Variants in P2RY14 observed in about 807,000 individuals in gnomAD.
P2RY14 encodes purinergic receptor P2Y14, also known as P2Y purinoceptor 14.
A neutral mutation model predicts 0.9 loss-of-function variants in P2RY14; 2 were observed. That is an observed-to-expected ratio of 2.16 (90% confidence interval 0.88 to 6.79). The LOEUF is 6.79. Ranked by LOEUF, P2RY14 falls within the 30% of genes most tolerant of loss-of-function variation. The pLI is 0.05. For missense variants in P2RY14, 378 were observed against 400.1 expected, an observed-to-expected ratio of 0.94 and a Z score of 0.47; for synonymous variants, 158 against 147.2, an observed-to-expected ratio of 1.07 and a Z score of -0.53.
chr3:151,244,550 A>C lies in P2RY14; in HGVS notation c.-132-24908T>G, dbSNP rs544122024. On this transcript the variant is annotated intron_variant, in intron 1 of 2. Coordinates refer to ENST00000309170, the MANE Select transcript of P2RY14 (RefSeq NM_014879.4). ...CATAACGAAATGAAGGCAGAAATAA[A>C]GATGTTCTTTGAAACCAGTGAGAAC... Among the ~76,000 whole-genome samples, 91 of 151,158 alleles carry C rather than the reference A, an allele frequency of 6.0e-4. No individual in the cohort carries two copies. In the East Asian group the frequency reaches 0.016, roughly 27 times the overall value.
At chr3:151,228,869 T>C (rs1314767115) in intron 1 of P2RY14, among the ~76,000 whole-genome samples, 2 of 152,212 alleles carry the variant, frequency 1.3e-5, no homozygotes, top group Admixed American at 1.3e-4. Flanking sequence ...TTGGAATATG[T>C]GGTCCTATTC....
chr3:151,221,482 C>T (rs890305507), intron 1 of P2RY14, among the ~76,000 whole-genome samples: 2 of 152,172 alleles, frequency 1.3e-5, no homozygotes, highest in Admixed American at 6.5e-5. Flanking sequence ...AAAGTGGTTT[C>T]GTGGGCCCAG....
intron 1 of P2RY14, among the ~76,000 whole-genome samples, chr3:151,260,810 C>G (rs1053390161): frequency 1.4e-4 from 21 of 151,628 alleles, no homozygotes; most frequent in African/African-American, 5.1e-4. Flanking sequence ...TTTTTTTTCT[C>G]TTCAGAATAC....
chr3:151,231,157 G>A (rs1731589099), intron 1 of P2RY14, among the ~76,000 whole-genome samples: 1 of 152,162 alleles, frequency 6.6e-6, no homozygotes, highest in South Asian at 2.1e-4. Context: ...ATTACAAAAA[G>A]GTAGGATGCA....
intron 1 of P2RY14, among the ~76,000 whole-genome samples, chr3:151,227,215 T>C (rs1368674635): frequency 6.6e-6 from 1 of 152,224 alleles, no homozygotes; most frequent in African/African-American, 2.4e-5. Flanking sequence ...GTGCTAAGTT[T>C]TCACATTAGA....
At chr3:151,270,826 G>A (rs1003936300) in intron 1 of P2RY14, among the ~76,000 whole-genome samples, 12 of 152,122 alleles carry the variant, frequency 7.9e-5, no homozygotes, top group African/African-American at 2.4e-4. Context: ...CCTGCCACTC[G>A]ATGGGACAAT....
At chr3:151,278,008 C>G (rs61576895) in intron 1 of P2RY14, among the ~76,000 whole-genome samples, 1 of 152,168 alleles carries the variant, frequency 6.6e-6, no homozygotes, top group African/African-American at 2.4e-5. Context: ...AAACATTTTC[C>G]TTGATATCTC....
intron 1 of P2RY14, among the ~76,000 whole-genome samples, chr3:151,256,581 G>A (rs1737850714): frequency 6.6e-6 from 1 of 150,594 alleles, no homozygotes; most frequent in Admixed American, 6.7e-5. Context: ...AAAACATGTG[G>A]TCCTAAAGTA....
At chr3:151,220,569 G>A (rs912644571) in intron 1 of P2RY14, among the ~76,000 whole-genome samples, 1 of 152,192 alleles carries the variant, frequency 6.6e-6, no homozygotes, top group Non-Finnish European at 1.5e-5. Flanking sequence ...AATTATGGGG[G>A]TGGGTCTTTC....
chr3:151,233,612 A>C (rs530062568), intron 1 of P2RY14, among the ~76,000 whole-genome samples: 2 of 152,296 alleles, frequency 1.3e-5, no homozygotes, highest in South Asian at 4.1e-4. Context: ...AGGTGTCTGT[A>C]ATCCCAGCTA....
In P2RY14 at chr3:151,214,221, G is replaced by A. The variant is rs776427477; in HGVS notation, c.96C>T (p.Val32=). Residue 32 remains valine (V), a synonymous_variant, in exon 3 of 3, where the codon GTC becomes GTT. Transcript: ENST00000309170. The part of the protein sequence containing the change: ...QQIIPVLYCM[V]FIAGILLNGV... ...CATTGAGTAGGATTCCTGCAATGAAGACCATACAGTACAGCACAGGAATGA... is the reference window on the plus strand; with the variant it reads ...CATTGAGTAGGATTCCTGCAATGAAAACCATACAGTACAGCACAGGAATGA... 2 of 1,613,918 alleles carry A rather than the reference G, an allele frequency of 1.2e-6. No individual in the cohort carries two copies. Among genetic ancestry groups the A allele is most frequent in the Non-Finnish European group, 1.7e-6 (2 of 1,179,844 alleles).
chr3:151,243,285 G>A (rs1486196356), intron 1 of P2RY14, among the ~76,000 whole-genome samples: 2 of 151,456 alleles, frequency 1.3e-5, no homozygotes, highest in South Asian at 2.1e-4. Flanking sequence ...GATACTCCTC[G>A]AGAAGAGCAA....
chr3:151,248,795 AGC>A (rs1365364619), intron 1 of P2RY14: 1 of 152,144 alleles, frequency 6.6e-6, no homozygotes, highest in East Asian at 1.9e-4. Context: ...CACCACACAA[AGC>A]CATTTTACAT....
intron 1 of P2RY14, among the ~76,000 whole-genome samples, chr3:151,246,894 A>T (rs1347774579): frequency 6.6e-6 from 1 of 152,242 alleles, no homozygotes. Flanking sequence ...AATGTCCAGA[A>T]TCTACAATGA....
At chr3:151,238,787 G>A (rs551410032) in intron 1 of P2RY14, among the ~76,000 whole-genome samples, 4 of 152,256 alleles carry the variant, frequency 2.6e-5, no homozygotes, top group South Asian at 4.1e-4. Context: ...AATATTTTGT[G>A]TGCCAAAATA....
chr3:151,234,938 C>T (rs188859627), intron 1 of P2RY14, among the ~76,000 whole-genome samples: 30 of 152,322 alleles, frequency 2.0e-4, no homozygotes, highest in Admixed American at 2.0e-3. Context: ...AGCAAACGTT[C>T]CAGCGAACTT....
chr3:151,256,815 G>GT (rs56702829), intron 1 of P2RY14, among the ~76,000 whole-genome samples: 37,536 of 118,332 alleles, frequency 0.32, 5,283 homozygotes, highest in Non-Finnish European at 0.36. Flanking sequence ...AATCCAGTCT[G>GT]TTTTTTTTTT....
intron 1 of P2RY14, among the ~76,000 whole-genome samples, chr3:151,238,910 T>G (rs1035846062): frequency 9.9e-5 from 15 of 152,214 alleles, no homozygotes; most frequent in African/African-American, 3.6e-4. Context: ...CCATTTTTAC[T>G]TGATCGAATG....
chr3:151,270,635 A>G (rs1054055551), intron 1 of P2RY14, among the ~76,000 whole-genome samples: 2 of 152,180 alleles, frequency 1.3e-5, no homozygotes, highest in African/African-American at 2.4e-5. Context: ...AAAAAAGACA[A>G]AACAAAAAAT....
Sources: gnomAD v4.1 joint callset for allele counts (sites outside exome capture counted in the v4.1 genomes callset) on GRCh38, gnomAD v4.1.1 for gene constraint, MANE v1.5 for transcripts, NCBI Gene and HGNC (gene_info 2026-07-23, HGNC 2026-07-21) for gene names.